Variants in PCDHGA3 observed in about 807,000 individuals in gnomAD.
The protein encoded by PCDHGA3 is protocadherin gamma subfamily A, 3.
A neutral mutation model predicts 58.5 loss-of-function variants in PCDHGA3; 40 were observed. The observed-to-expected ratio is 0.68, with a 90% CI of 0.53 to 0.89. The LOEUF (loss-of-function observed/expected upper bound fraction) is 0.89. Among genes scored for constraint, PCDHGA3 ranks in the 40% least tolerant of loss-of-function variants. PCDHGA3 has a pLI of 0.00. For missense variants in PCDHGA3, 1,223 were observed against 1,195.9 expected (o/e 1.02, Z -0.33); for synonymous variants, 530 against 525.7 (o/e 1.01, Z -0.11).
chr5:141,375,862 G>A (rs759161440), intron 1 of PCDHGA3: 2 of 1,613,976 alleles, frequency 1.2e-6, no homozygotes, highest in Admixed American at 1.7e-5. Context: ...AGGTGGTGGC[G>A]GTGGACAGAG....
chr5:141,507,196 CCAGAT>C (rs2099859095), intron 3 of PCDHGA3: 1 of 152,374 alleles, frequency 6.6e-6, no homozygotes, highest in Non-Finnish European at 1.5e-5. Context: ...CTTTATTCTT[CCAGAT>C]CAGGGTTGCC....
At chr5:141,347,618 C>T (rs551729279) in intron 1 of PCDHGA3, among the ~76,000 whole-genome samples, 3 of 151,998 alleles carry the variant, frequency 2.0e-5, no homozygotes, top group Non-Finnish European at 2.9e-5. Context: ...GAAAGCCTGT[C>T]TCTACTAAAA....
At chr5:141,422,166 T>A (rs370704205) in intron 1 of PCDHGA3, 1 of 1,569,256 alleles carries the variant, frequency 6.4e-7, no homozygotes, top group African/African-American at 1.4e-5. Context: ...TTGAAAAATA[T>A]AGATTCTATG....
intron 1 of PCDHGA3, among the ~76,000 whole-genome samples, chr5:141,445,132 G>T (rs921068835): frequency 2.6e-5 from 4 of 152,026 alleles, no homozygotes; most frequent in Non-Finnish European, 5.9e-5. Flanking sequence ...TTTTAAAATT[G>T]TATCTTCTAA....
At chr5:141,370,833 C>T (rs1305609320) in intron 1 of PCDHGA3, 4 of 1,613,946 alleles carry the variant, frequency 2.5e-6, no homozygotes, top group Non-Finnish European at 8.5e-7. Context: ...CGAACTGGCT[C>T]TCACTGGAGC....
chr5:141,437,156 G>T (rs2097864365), intron 1 of PCDHGA3, among the ~76,000 whole-genome samples: 1 of 152,172 alleles, frequency 6.6e-6, no homozygotes, highest in African/African-American at 2.4e-5. Context: ...TAACATATGT[G>T]TTGATTGTTT....
chr5:141,450,846 A>C (rs2098698903), intron 1 of PCDHGA3, among the ~76,000 whole-genome samples: 1 of 115,730 alleles, frequency 8.6e-6, no homozygotes. Context: ...TTTTTTTGAG[A>C]TGGGGTCTTG....
intron 1 of PCDHGA3, chr5:141,420,969 A>G (rs2096536141): frequency 2.3e-6 from 1 of 443,064 alleles, no homozygotes; most frequent in Admixed American, 4.0e-5. Flanking sequence ...TTGCAATAAT[A>G]AGAATGGGCT....
chr5:141,452,148 T>C (rs1294195346), intron 1 of PCDHGA3, among the ~76,000 whole-genome samples: 1 of 152,228 alleles, frequency 6.6e-6, no homozygotes, highest in Non-Finnish European at 1.5e-5. Flanking sequence ...TTTTTTCCAA[T>C]GAGTTATATT....
intron 1 of PCDHGA3, among the ~76,000 whole-genome samples, chr5:141,346,809 G>T (rs1418629575): frequency 1.3e-5 from 2 of 152,138 alleles, no homozygotes; most frequent in African/African-American, 4.8e-5. Context: ...CACAACACTG[G>T]TTTGTATACC....
rs530356030 is a variant in PCDHGA3 at position 141,426,463 on chromosome 5, GATTT to G, written c.2425-68340_2425-68337del. 309 of 318,428 alleles carry G rather than the reference GATTT, an allele frequency of 9.7e-4. 2 individuals are homozygous for G. Among genetic ancestry groups the G allele is most frequent in the Non-Finnish European group, 1.6e-3 (252 of 160,518 alleles). 19.7% of individuals were successfully genotyped at this position (318,428 alleles called of 1,614,324 possible). A position where few individuals can be genotyped will look rare whatever the true frequency, so the allele number is the denominator to read the frequency against. ...GGAGGACATGCGGCTGCATGTTCAGGATTTATTGACCTGAAACCTTAGAGTTAGT... is the reference window on the plus strand; with the variant it reads ...GGAGGACATGCGGCTGCATGTTCAGGATTGACCTGAAACCTTAGAGTTAGT... On this transcript the variant is annotated intron_variant, in intron 1 of 3. Transcript: ENST00000253812.
At position 141,359,638 on chromosome 5, in the gene PCDHGA3, AAAG is replaced by A. The variant is rs1370085055; in HGVS notation, c.2424+13185_2424+13187del. ...GTATGTTGTATGCTTACATTTGTGT[AAAG>A]AAGGAGACAGAATATTTATAAAAAT... On this transcript the variant is annotated intron_variant, in intron 1 of 3. Coordinates refer to ENST00000253812, the MANE Select transcript of PCDHGA3 (RefSeq NM_018916.4). Among the ~76,000 whole-genome samples, 20 of 152,050 alleles carry A rather than the reference AAAG, an allele frequency of 1.3e-4. No individual in the cohort carries two copies. The East Asian group carries it at 1.5e-3, about 12-fold the overall frequency.
At chr5:141,373,705 A>G (rs1023574849) in intron 1 of PCDHGA3, among the ~76,000 whole-genome samples, 2 of 152,224 alleles carry the variant, frequency 1.3e-5, no homozygotes, top group African/African-American at 4.8e-5. Flanking sequence ...AAATTATTCA[A>G]AATAATCTCT....
intron 2 of PCDHGA3, among the ~76,000 whole-genome samples, chr5:141,500,901 G>A (rs984072329): frequency 7.6e-5 from 11 of 144,582 alleles, no homozygotes; most frequent in African/African-American, 2.6e-4. Flanking sequence ...AGACAGTCTC[G>A]CTCTGTCTCC....
In PCDHGA3 at chr5:141,433,051, G is replaced by A. The variant is rs754102028; in HGVS notation, c.2425-61756G>A. The A allele has an allele frequency of 1.8e-5, 29 of 1,614,066 alleles. No homozygotes were observed. In the East Asian group the frequency reaches 2.5e-4, roughly 14 times the overall value. On this transcript the variant is annotated intron_variant, in intron 1 of 3. Transcript: ENST00000253812. ...AGGTTTCCCTCACCACGGACTCGCG[G>A]AAGAGTCACCTGATCTTCCCCCAGC...
intron 1 of PCDHGA3, among the ~76,000 whole-genome samples, chr5:141,459,755 G>A (rs1383912891): frequency 2.0e-5 from 3 of 152,182 alleles, no homozygotes; most frequent in African/African-American, 7.2e-5. Flanking sequence ...CAATTCTAGT[G>A]GGTGTGTGAT....
At chr5:141,352,464 T>C in intron 1 of PCDHGA3, 1 of 1,613,988 alleles carries the variant, frequency 6.2e-7, no homozygotes, top group East Asian at 2.2e-5. Context: ...GGGCCCGGGG[T>C]TCCTCCCAAC....
intron 1 of PCDHGA3, among the ~76,000 whole-genome samples, chr5:141,468,130 G>C (rs1312004369): frequency 6.6e-6 from 1 of 151,878 alleles, no homozygotes; most frequent in Admixed American, 6.6e-5. Context: ...TTTGAGACCA[G>C]CCTGGCCAAC....
At chr5:141,429,929 T>A (rs2097253197) in intron 1 of PCDHGA3, among the ~76,000 whole-genome samples, 1 of 152,240 alleles carries the variant, frequency 6.6e-6, no homozygotes, top group African/African-American at 2.4e-5. Flanking sequence ...AATAGAATTC[T>A]GGAGTACTTC....
Sources: gnomAD v4.1 joint callset for allele counts (sites outside exome capture counted in the v4.1 genomes callset) on GRCh38, gnomAD v4.1.1 for gene constraint, MANE v1.5 for transcripts, NCBI Gene and HGNC (gene_info 2026-07-23, HGNC 2026-07-21) for gene names.